The following CCSER1 variants were observed in gnomAD, a reference collection of about 807,000 sequenced individuals.
CCSER1 encodes coiled-coil serine rich protein 1.
Under a neutral mutation model 82.0 loss-of-function variants are expected in CCSER1, and 41 were observed. That is an observed-to-expected ratio of 0.50 (90% CI 0.39 to 0.65). The LOEUF (loss-of-function observed/expected upper bound fraction) is 0.65, where lower values mean the gene tolerates loss of function less well. CCSER1 is among the 30% of genes least tolerant of loss of function. The pLI is 0.00. For synonymous variants in CCSER1, 414 were observed against 383.9 expected (o/e 1.08, Z -0.92); for missense variants, 1,119 against 1,064.2 (o/e 1.05, Z -0.72).
chr4:90,759,496 G>A (rs1049095974), intron 7 of CCSER1, among the ~76,000 whole-genome samples: 33 of 152,166 alleles, frequency 2.2e-4, no homozygotes, highest in Non-Finnish European at 1.2e-4. Flanking sequence ...ACATTTAATA[G>A]TAAATCTTTG....
At chr4:90,520,284 T>C (rs970591304) in intron 5 of CCSER1, among the ~76,000 whole-genome samples, 1 of 151,810 alleles carries the variant, frequency 6.6e-6, no homozygotes, top group African/African-American at 2.4e-5. Context: ...TTATAATCAT[T>C]TTATAATTTT....
intron 5 of CCSER1, among the ~76,000 whole-genome samples, chr4:90,544,541 G>A (rs1050401196): frequency 6.6e-6 from 1 of 152,184 alleles, no homozygotes; most frequent in East Asian, 1.9e-4. Flanking sequence ...AACCCCAGAA[G>A]CTCATCAAAG....
At chr4:91,332,558 T>G (rs898814047) in intron 10 of CCSER1, among the ~76,000 whole-genome samples, 1 of 151,284 alleles carries the variant, frequency 6.6e-6, no homozygotes, top group African/African-American at 2.4e-5. Context: ...TATAATAAAT[T>G]CCATAACTTT....
chr4:91,236,776 G>T (rs1312501415), intron 10 of CCSER1, among the ~76,000 whole-genome samples: 1 of 152,118 alleles, frequency 6.6e-6, no homozygotes, highest in African/African-American at 2.4e-5. Flanking sequence ...TGATATAGAA[G>T]TTCAAAGAAT....
At chr4:90,245,597 T>C (rs1721282784) in intron 1 of CCSER1, among the ~76,000 whole-genome samples, 1 of 152,186 alleles carries the variant, frequency 6.6e-6, no homozygotes, top group East Asian at 1.9e-4. Flanking sequence ...AAAATGACGA[T>C]TGAACATCAA....
At chr4:91,317,591 T>TGTGTGTGTGTGC (rs1351326743) in intron 10 of CCSER1, among the ~76,000 whole-genome samples, 1 of 149,916 alleles carries the variant, frequency 6.7e-6, no homozygotes, top group African/African-American at 2.5e-5. Context: ...AGTATATACG[T>TGTGTGTGTGTGC]GTGTGTGTGT....
chr4:91,580,554 T>C (rs1219736699), intron 10 of CCSER1, among the ~76,000 whole-genome samples: 3 of 151,780 alleles, frequency 2.0e-5, no homozygotes, highest in Non-Finnish European at 4.4e-5. Flanking sequence ...AGAATTAGTC[T>C]GAAATGTTTT....
At chr4:90,416,656 A>G (rs1048798847) in intron 4 of CCSER1, among the ~76,000 whole-genome samples, 4 of 152,122 alleles carry the variant, frequency 2.6e-5, no homozygotes, top group Non-Finnish European at 5.9e-5. Context: ...TTGTCCCATT[A>G]TTGGTTATTT....
chr4:90,589,015 T>C (rs1206692411), intron 5 of CCSER1, among the ~76,000 whole-genome samples: 1 of 152,164 alleles, frequency 6.6e-6, no homozygotes, highest in East Asian at 1.9e-4. Context: ...TGAACTATTA[T>C]TATAATGGAG....
chr4:90,890,862 T>C (rs1022496891), intron 8 of CCSER1, among the ~76,000 whole-genome samples: 1 of 152,198 alleles, frequency 6.6e-6, no homozygotes, highest in African/African-American at 2.4e-5. Flanking sequence ...TTGTGTGAAC[T>C]CTAATGTCTA....
chr4:90,348,934 G>C (rs1265263456), intron 3 of CCSER1, among the ~76,000 whole-genome samples: 1 of 152,070 alleles, frequency 6.6e-6, no homozygotes, highest in African/African-American at 2.4e-5. Flanking sequence ...TGAGTTTATA[G>C]AAGGTAGAAA....
chr4:91,598,251 C>G (rs1764672824), intron 10 of CCSER1, among the ~76,000 whole-genome samples: 1 of 152,104 alleles, frequency 6.6e-6, no homozygotes, highest in African/African-American at 2.4e-5. Flanking sequence ...TTTTCATACT[C>G]TGGTATCGCT....
At chr4:91,338,065 T>G (rs1057312922) in intron 10 of CCSER1, among the ~76,000 whole-genome samples, 1 of 152,098 alleles carries the variant, frequency 6.6e-6, no homozygotes, top group African/African-American at 2.4e-5. Context: ...TCAGGATTAC[T>G]TATCCCTCTT....
At chr4:90,359,419 T>C (rs1744900013) in intron 3 of CCSER1, among the ~76,000 whole-genome samples, 1 of 152,108 alleles carries the variant, frequency 6.6e-6, no homozygotes, top group Admixed American at 6.6e-5. Context: ...ATATAACCTC[T>C]GGAGCATGGC....
At chr4:91,007,642 A>T in intron 9 of CCSER1, among the ~76,000 whole-genome samples, 1 of 143,312 alleles carries the variant, frequency 7.0e-6, no homozygotes. Context: ...TTTCCTAGTT[A>T]CTCTGGCTAA....
At chr4:91,063,061 GA>G (rs1192742650) in intron 9 of CCSER1, among the ~76,000 whole-genome samples, 2 of 151,962 alleles carry the variant, frequency 1.3e-5, no homozygotes, top group East Asian at 1.9e-4. Context: ...ATTTTAAAAT[GA>G]AAAACAGATA....
At chr4:90,466,740 CTCTT>C (rs1763699044) in intron 4 of CCSER1, among the ~76,000 whole-genome samples, 1 of 152,152 alleles carries the variant, frequency 6.6e-6, no homozygotes, top group South Asian at 2.1e-4. Context: ...ACAACTGAAA[CTCTT>C]TCTCTATTGT....
chr4:90,375,495 T>C (rs1366349101), intron 3 of CCSER1, among the ~76,000 whole-genome samples: 1 of 152,170 alleles, frequency 6.6e-6, no homozygotes, highest in Non-Finnish European at 1.5e-5. Flanking sequence ...GGGCCATCCG[T>C]GATCCTTCTC....
intron 1 of CCSER1, among the ~76,000 whole-genome samples, chr4:90,145,293 T>C (rs1175382998): frequency 2.0e-5 from 3 of 152,144 alleles, no homozygotes; most frequent in Non-Finnish European, 2.9e-5. Flanking sequence ...ATGTAAGTGA[T>C]TGTGGAATGC....
Sources: allele counts gnomAD v4.1 joint callset (sites outside exome capture counted in the v4.1 genomes callset), GRCh38; gene constraint gnomAD v4.1.1; transcripts MANE v1.5; gene names NCBI Gene and HGNC (gene_info 2026-07-23, HGNC 2026-07-21).